Variants in TTC13 observed in about 807,000 individuals in gnomAD.
TTC13 encodes tetratricopeptide repeat domain 13, also known as tetratricopeptide repeat protein 13.
Under a neutral mutation model 120.0 loss-of-function variants are expected in TTC13, and 62 were observed. The ratio of observed to expected loss-of-function variants is 0.52; its 90% CI spans 0.42 to 0.64. The LOEUF (loss-of-function observed/expected upper bound fraction) is 0.64, where lower values mean the gene tolerates loss of function less well. TTC13 is among the 30% of genes least tolerant of loss of function. The pLI is 0.00. For missense variants in TTC13, 824 were observed against 1,050.2 expected (o/e 0.78, Z 2.98); for synonymous variants, 384 against 393.5 (o/e 0.98, Z 0.28).
intron 9 of TTC13, 150 bp from the exon 10 acceptor site, chr1:230,932,027 A>G (rs972416911): frequency 3.0e-6 from 2 of 666,858 alleles, no homozygotes; most frequent in African/African-American, 3.7e-5. Context: ...CTGACACATT[A>G]CATTTCACTT....
chr1:230,976,140 G>C (rs2103020593), intron 1 of TTC13, among the ~76,000 whole-genome samples: 1 of 152,342 alleles, frequency 6.6e-6, no homozygotes, highest in Middle Eastern at 3.4e-3. Flanking sequence ...GATATGAACA[G>C]GTTTGTGGCT....
chr1:230,930,573 T>A (rs1159450917), intron 11 of TTC13, among the ~76,000 whole-genome samples: 2 of 152,196 alleles, frequency 1.3e-5, no homozygotes, highest in African/African-American at 4.8e-5. Flanking sequence ...CCAAAATATA[T>A]GAGAATTTTG....
intron 18 of TTC13, among the ~76,000 whole-genome samples, chr1:230,913,772 T>C (rs181351908): frequency 1.0e-3 from 152 of 152,260 alleles, no homozygotes; most frequent in African/African-American, 3.3e-3. Flanking sequence ...GGCCTGAACA[T>C]GGGTCGGGAT....
At chr1:230,931,960 A>C in intron 9 of TTC13, 83 bp from the exon 10 acceptor site, 1 of 1,379,962 alleles carries the variant, frequency 7.2e-7, no homozygotes, top group Admixed American at 1.9e-5. Context: ...ATTATGGACC[A>C]ATATGTAAAC....
At chr1:230,968,028 TGCCTCTTAAGTTCTCATG>T (rs906049669) in intron 1 of TTC13, among the ~76,000 whole-genome samples, 1 of 152,226 alleles carries the variant, frequency 6.6e-6, no homozygotes, top group African/African-American at 2.4e-5. Context: ...TCTGCACAGT[TGCCTCTTAAGTTCTCATG>T]GCCTCTGGAG....
At chr1:230,945,346 G>A in intron 5 of TTC13, 43 bp downstream of exon 5, 2 of 1,558,074 alleles carry the variant, frequency 1.3e-6, no homozygotes, top group Non-Finnish European at 8.9e-7. Flanking sequence ...GTCTGTGTCA[G>A]GTCATGTAGG....
chr1:230,929,220 AT>A, intron 11 of TTC13, 127 bp from the exon 12 acceptor site: 1 of 1,021,262 alleles, frequency 9.8e-7, no homozygotes, highest in Non-Finnish European at 1.4e-6. Context: ...GAGTTTCTAA[AT>A]TTTAGTAAGT....
chr1:230,966,423 C>G (rs1677134586), intron 1 of TTC13, among the ~76,000 whole-genome samples: 1 of 147,042 alleles, frequency 6.8e-6, no homozygotes. Context: ...AATTTGATCT[C>G]TTTATTTAAA....
chr1:230,957,965 C>T (rs1676256684), intron 3 of TTC13, among the ~76,000 whole-genome samples: 3 of 152,146 alleles, frequency 2.0e-5, no homozygotes, highest in African/African-American at 4.8e-5. Context: ...ATCGAAACAG[C>T]TCATAAGAGC....
chr1:230,924,545 A>G (rs1006495535), intron 14 of TTC13, among the ~76,000 whole-genome samples: 1 of 152,164 alleles, frequency 6.6e-6, no homozygotes, highest in African/African-American at 2.4e-5. Flanking sequence ...TGTTAGCCAG[A>G]ATGGTCTCGA....
At chr1:230,946,929 T>C (rs1675056810) in intron 4 of TTC13, among the ~76,000 whole-genome samples, 8 of 152,114 alleles carry the variant, frequency 5.3e-5, no homozygotes, top group Admixed American at 5.2e-4. Flanking sequence ...ATTTCATAAA[T>C]CATACTTATA....
At chr1:230,916,420 T>A in intron 17 of TTC13, 118 bp from the exon 18 acceptor site, 1 of 783,150 alleles carries the variant, frequency 1.3e-6, no homozygotes, top group African/African-American at 1.7e-5. Context: ...GGAGGTCATC[T>A]GATACAAGAG....
chr1:230,912,061 C>A (rs1040371309), intron 19 of TTC13, among the ~76,000 whole-genome samples: 3 of 152,148 alleles, frequency 2.0e-5, no homozygotes, highest in African/African-American at 7.2e-5. Context: ...GGGCACCCGT[C>A]CACTGCAGAA....
At position 230,978,279 on chromosome 1, in the gene TTC13, G is replaced by A. The variant is rs1179925000; in HGVS notation, c.271+281C>T. On this transcript the variant is annotated intron_variant, in intron 1 of 22. Transcript: ENST00000366661. This position sits in a 1 kb window ranked among gnomAD's most constrained non-coding sequence, Gnocchi z 5.6. Reference sequence around the variant, plus strand: ...CTCCTCCGCCACCCTTCCAACAGTTGCTTCAGACTCAGGAGAGAGGCCGCC... The same window carrying A: ...CTCCTCCGCCACCCTTCCAACAGTTACTTCAGACTCAGGAGAGAGGCCGCC... Among the ~76,000 whole-genome samples the A allele has an allele frequency of 6.6e-6, 1 of 152,150 alleles. No homozygotes were observed. The highest frequency in any genetic ancestry group is 2.4e-5 in the African/African-American group (1 of 41,456).
In TTC13 at chr1:230,907,012, G is replaced by A. The variant is rs770891986; in HGVS notation, c.2476C>T (p.Pro826Ser). 6.7e-7 allele frequency: 1 copy of A among 1,488,994 alleles called. No individual in the cohort carries two copies. 92.2% of individuals were successfully genotyped at this position (1,488,994 alleles called of 1,614,324 possible). A position where few individuals can be genotyped will look rare whatever the true frequency, so the allele number is the denominator to read the frequency against. ...KSWMNLKSISPSYKTLPSVSE... is the reference protein window; with the variant it reads ...KSWMNLKSISSSYKTLPSVSE... ...ACTGATGGAAGAGTCTTATAAGAAG[G>A]TGAAATACTGAAAAAGAAAAACACA... is the stretch of plus-strand genomic sequence containing the variant. The change falls in exon 23 of 23, where the codon CCT becomes TCT. Residue 826 changes from proline to serine, a missense_variant. Coordinates refer to ENST00000366661, the MANE Select transcript of TTC13 (RefSeq NM_024525.5).
At chr1:230,971,442 A>G (rs1007796240) in intron 1 of TTC13, among the ~76,000 whole-genome samples, 1 of 151,524 alleles carries the variant, frequency 6.6e-6, no homozygotes, top group African/African-American at 2.4e-5. Context: ...AATTCCTTTG[A>G]GAGTGTAATA....
At chr1:230,927,783 T>C (rs1401556580) in intron 12 of TTC13, among the ~76,000 whole-genome samples, 1 of 152,220 alleles carries the variant, frequency 6.6e-6, no homozygotes. Flanking sequence ...CATAAACATC[T>C]TCATTTATAT....
At position 230,965,321 on chromosome 1, in the gene TTC13, G is replaced by T. The variant is rs550632502; in HGVS notation, c.272-4018C>A. Among the ~76,000 whole-genome samples, 25 of 152,288 alleles carry T rather than the reference G, an allele frequency of 1.6e-4. No individual in the cohort carries two copies. The South Asian group carries it at 5.2e-3, about 32-fold the overall frequency. ...CCAACCAAAAAATGGGGAAAGATTT[G>T]AATAGACATTTCTTAAGACATACAA... is the stretch of plus-strand genomic sequence containing the variant. On this transcript the variant is annotated intron_variant, in intron 1 of 22. Coordinates refer to ENST00000366661, the MANE Select transcript of TTC13 (RefSeq NM_024525.5).
chr1:230,929,284 C>T (rs1174698285), intron 11 of TTC13, among the ~76,000 whole-genome samples, 191 bp from the exon 12 acceptor site: 2 of 151,282 alleles, frequency 1.3e-5, no homozygotes, highest in African/African-American at 4.9e-5. Flanking sequence ...ATAACAAGGT[C>T]AAATATAAGT....
Sources: gnomAD v4.1 joint callset for allele counts (sites outside exome capture counted in the v4.1 genomes callset) on GRCh38, gnomAD v4.1.1 for gene constraint, Gnocchi (gnomAD v3.1) non-coding constraint, MANE v1.5 for transcripts, NCBI Gene and HGNC (gene_info 2026-07-23, HGNC 2026-07-21) for gene names.